ENDOG: variants seen among roughly 807,000 people sequenced by gnomAD.
ENDOG encodes endonuclease G, mitochondrial.
In ENDOG, 22 loss-of-function variants were observed where a neutral mutation model predicts 22.6. The observed-to-expected ratio is 0.97, with a 90% CI of 0.70 to 1.39. ENDOG has a LOEUF of 1.39. Among genes scored for constraint, ENDOG ranks in the 40% most tolerant of loss-of-function variants. ENDOG has a pLI of 0.00. For missense variants in ENDOG, 403 were observed against 431.3 expected, an observed-to-expected ratio of 0.93 and a Z score of 0.58; for synonymous variants, 173 against 200.2, an observed-to-expected ratio of 0.86 and a Z score of 1.15.
In ENDOG at chr9:128,822,448, C is replaced by G; in HGVS notation, c.732C>G (p.Leu244=). The change falls in exon 3 of 3, where the codon CTC becomes CTG. Residue 244 remains leucine (L), a synonymous_variant. Transcript: ENST00000372642. The part of the protein sequence containing the change: ...ILEAAGGQIE[L]RTYVMPNAPV... ...AGGCAGCAGGTGGGCAAATTGAGCT[C>G]CGCACCTACGTGATGCCCAACGCAC... The G allele has an allele frequency of 1.3e-6, 2 of 1,588,672 alleles. No individual in the cohort carries two copies. The highest frequency in any genetic ancestry group is 1.7e-6 in the Non-Finnish European group (2 of 1,167,298).
In ENDOG at chr9:128,818,997, C is replaced by CGCGGCG. The variant is rs769329221; in HGVS notation, c.314_319dup (p.Gly106_Asp107insGlyGly). The CGCGGCG allele has an allele frequency of 8.8e-6, 13 of 1,484,228 alleles. No individual in the cohort carries two copies. In the East Asian group the frequency reaches 3.6e-4, roughly 42 times the overall value. 91.9% of individuals were successfully genotyped at this position (1,484,228 alleles called of 1,614,324 possible). Reference sequence around the variant, plus strand: ...GGAGCAGCTGCGACCCGAGCGTCTCCGCGGCGACGGCGACCGGCGCGAGTG... The same window carrying CGCGGCG: ...GGAGCAGCTGCGACCCGAGCGTCTCCGCGGCGGCGGCGACGGCGACCGGCGCGAGTG... On this transcript the variant is annotated inframe_insertion, in exon 1 of 3. Coordinates refer to ENST00000372642, the MANE Select transcript of ENDOG (RefSeq NM_004435.2).
In ENDOG at chr9:128,820,681, C is replaced by T. The variant is rs1830092929; in HGVS notation, c.502-58C>T. On this transcript the variant is annotated intron_variant, in intron 1 of 2. Coordinates refer to ENST00000372642, the MANE Select transcript of ENDOG (RefSeq NM_004435.2). ...TCCCCTCAGGACCTGGGGCGGCCCT[C>T]TGATAGAGGAGGAAGGGTCCCAGCC... is the stretch of plus-strand genomic sequence containing the variant. 3.3e-6 allele frequency: 5 copies of T among 1,494,580 alleles called. No homozygotes were observed. In the South Asian group the frequency reaches 3.6e-5, roughly 11 times the overall value. 92.6% of individuals were successfully genotyped at this position (1,494,580 alleles called of 1,614,324 possible).
chr9:128,822,365 G>T lies in ENDOG; in HGVS notation c.649G>T (p.Val217Phe). ...TGGGAAATCCTACGTAAAGTACCAGGTCATCGGCAAGAACCACGTGGCAGT... is the reference window on the plus strand; with the variant it reads ...TGGGAAATCCTACGTAAAGTACCAGTTCATCGGCAAGAACCACGTGGCAGT... ...ADGKSYVKYQ[V>F]IGKNHVAVPT... Residue 217 changes from valine to phenylalanine, a missense_variant, in exon 3 of 3, where the codon GTC becomes TTC. Val to Phe is a conservative substitution (Grantham distance 50, BLOSUM62 -1). Coordinates refer to ENST00000372642, the MANE Select transcript of ENDOG (RefSeq NM_004435.2). The T allele has an allele frequency of 6.2e-7, 1 of 1,613,994 alleles. No homozygotes were observed.
Position 128,819,110 on chromosome 9 carries a change from G to GGCC in ENDOG, c.436_438dup (p.Ala146dup). ...GCAGTGGCTTCGACCGCGGTCACCT[G>GGCC]GCCGCCGCCGCCAACCACCGCTGGA... On this transcript the variant is annotated inframe_insertion, in exon 1 of 3. Transcript: ENST00000372642. 1.3e-6 allele frequency: 2 copies of GGCC among 1,519,692 alleles called. No individual in the cohort carries two copies. The highest frequency in any genetic ancestry group is 1.2e-5 in the South Asian group (1 of 82,476). The allele number at this position is 1,519,692 out of a possible 1,614,324, so 94.1% of individuals were successfully genotyped here.
In ENDOG at chr9:128,822,538, G is replaced by A. The variant is rs764092205; in HGVS notation, c.822G>A (p.Ser274=). ...LVPIESIERA[S]GLLFVPNILA... ...CCATCGAGAGCATTGAGCGGGCTTC[G>A]GGGCTGCTCTTTGTGCCAAACATCC... The change falls in exon 3 of 3, where the codon TCG becomes TCA. Residue 274 remains serine (S), a synonymous_variant. Coordinates refer to ENST00000372642, the MANE Select transcript of ENDOG (RefSeq NM_004435.2). The A allele has an allele frequency of 9.6e-6, 15 of 1,559,422 alleles. No individual in the cohort carries two copies. The highest frequency in any genetic ancestry group is 1.9e-5 in the Admixed American group (1 of 51,412).
chr9:128,819,206 C>G (rs1830056122), intron 1 of ENDOG, 21 bp downstream of exon 1: 6 of 1,447,344 alleles, frequency 4.1e-6, no homozygotes, highest in African/African-American at 1.5e-5. Context: ...CGCCCCGGGC[C>G]GGTCGCGGAA....
rs761924792 is a variant in ENDOG, at chr9:128,819,081, C to G, written c.397C>G (p.Arg133Gly). ...AYHRATNADY[R>G]GSGFDRGHLA... ...CCACCGTGCCACCAACGCCGACTAC[C>G]GCGGCAGTGGCTTCGACCGCGGTCA... The change falls in exon 1 of 3, where the codon CGC becomes GGC. Residue 133 changes from arginine to glycine, a missense_variant. Coordinates refer to ENST00000372642, the MANE Select transcript of ENDOG (RefSeq NM_004435.2). 2 of 1,518,148 alleles carry G rather than the reference C, an allele frequency of 1.3e-6. No homozygotes were observed. The highest frequency in any genetic ancestry group is 5.4e-5 in the East Asian group (2 of 37,104). The allele number at this position is 1,518,148 out of a possible 1,614,324, so 94.0% of individuals were successfully genotyped here.
chr9:128,819,013 G>C lies in ENDOG; in HGVS notation c.329G>C (p.Arg110Pro), dbSNP rs970057720. 12 of 1,484,992 alleles carry C rather than the reference G, an allele frequency of 8.1e-6. No individual in the cohort carries two copies. The highest frequency in any genetic ancestry group is 8.0e-6 in the Non-Finnish European group (9 of 1,125,696). 92.0% of individuals were successfully genotyped at this position (1,484,992 alleles called of 1,614,324 possible). Residue 110 changes from arginine to proline, a missense_variant, in exon 1 of 3, where the codon CGG becomes CCG. Arg to Pro is a moderately radical substitution (Grantham distance 103). Transcript: ENST00000372642. ...RPERLRGDGD[R>P]RECDFREDDS... ...GAGCGTCTCCGCGGCGACGGCGACC[G>C]GCGCGAGTGCGACTTCCGCGAGGAC...
chr9:128,819,611 C>T (rs1401606205), intron 1 of ENDOG: 2 of 180,716 alleles, frequency 1.1e-5, no homozygotes, highest in African/African-American at 4.7e-5. Flanking sequence ...TTTTCCACGG[C>T]TTGGTGGGTG....
intron 2 of ENDOG, chr9:128,822,074 C>T (rs1830130457): frequency 1.8e-6 from 1 of 555,020 alleles, no homozygotes; most frequent in Non-Finnish European, 3.2e-6. Flanking sequence ...GCTCGATTCT[C>T]CTAGCAGCGT....
rs754136134 is a variant in ENDOG, at chr9:128,819,180, C to A, written c.496C>A (p.Pro166Thr). The A allele has an allele frequency of 1.3e-6, 2 of 1,482,054 alleles. No homozygotes were observed. Among genetic ancestry groups the A allele is most frequent in the South Asian group, 1.3e-5 (1 of 77,234 alleles). 91.8% of individuals were successfully genotyped at this position (1,482,054 alleles called of 1,614,324 possible). ...CACGTTCTACCTGAGCAACGTCGCGCCCCAGGTAGCGCCCGCGCCCCGGGC... is the reference window on the plus strand; with the variant it reads ...CACGTTCTACCTGAGCAACGTCGCGACCCAGGTAGCGCCCGCGCCCCGGGC... ...DDTFYLSNVAPQVPHLNQNAW... is the reference protein window; with the variant it reads ...DDTFYLSNVATQVPHLNQNAW... The change falls in exon 1 of 3, where the codon CCC becomes ACC. Residue 166 changes from proline to threonine, a missense_variant. Pro to Thr is a conservative substitution (Grantham distance 38, BLOSUM62 -1). Transcript: ENST00000372642.
In ENDOG at chr9:128,822,393, CCA is replaced by C; in HGVS notation, c.683_684del (p.His228LeufsTer15). 6.2e-7 allele frequency: 1 copy of C among 1,613,104 alleles called. No individual in the cohort carries two copies. ...ATCGGCAAGAACCACGTGGCAGTGC[CCA>C]CACACTTCTTCAAGGTGCTGATCCT... is the stretch of plus-strand genomic sequence containing the variant. On this transcript the variant is annotated frameshift_variant, in exon 3 of 3. Coordinates refer to ENST00000372642, the MANE Select transcript of ENDOG (RefSeq NM_004435.2). LOFTEE classifies it high-confidence loss of function.
At chr9:128,821,285 C>G (rs1319695725) in intron 2 of ENDOG, 1 of 194,428 alleles carries the variant, frequency 5.1e-6, no homozygotes, top group African/African-American at 2.5e-5. Context: ...TCTGCAGGTC[C>G]GAGGTGCACC....
rs574906331 is a variant in ENDOG at position 128,821,213 on chromosome 9, G to A, written c.611+365G>A. ...CACCTTCCCCCCGCAGGTCTGCAGT[G>A]CACCAAGCTCTCCCGCCTTCCCCCT... On this transcript the variant is annotated intron_variant, in intron 2 of 2. Coordinates refer to ENST00000372642, the MANE Select transcript of ENDOG (RefSeq NM_004435.2). 4.7e-4 allele frequency: 133 copies of A among 280,960 alleles called. 2 individuals carry two copies. The allele number at this position is 280,960 out of a possible 1,614,324, so 17.4% of individuals were successfully genotyped here.
chr9:128,818,895 G>A lies in ENDOG; in HGVS notation c.211G>A (p.Gly71Arg). The A allele has an allele frequency of 8.2e-6, 12 of 1,466,860 alleles. No individual in the cohort carries two copies. Among genetic ancestry groups the A allele is most frequent in the Non-Finnish European group, 9.8e-6 (11 of 1,117,222 alleles). The allele number at this position is 1,466,860 out of a possible 1,614,324, so 90.9% of individuals were successfully genotyped here. The change falls in exon 1 of 3, where the codon GGG becomes AGG. Residue 71 changes from glycine to arginine, a missense_variant. By Grantham distance (125) the Gly-to-Arg change is moderately radical. Transcript: ENST00000372642. ...CGAGCTGGCCAAGTACGGGCTGCCG[G>A]GGCTGGCGCAGCTCAAGAGCCGCGA... ...PGELAKYGLP[G>R]LAQLKSRESY...
At chr9:128,819,228 C>A in intron 1 of ENDOG, 43 bp downstream of exon 1, 1 of 1,415,560 alleles carries the variant, frequency 7.1e-7, no homozygotes, top group South Asian at 1.5e-5. Flanking sequence ...GCGGGGCCGG[C>A]GCCTGGCCTC....
chr9:128,820,891 T>G lies in ENDOG; in HGVS notation c.611+43T>G, dbSNP rs2280845. On this transcript the variant is annotated intron_variant, in intron 2 of 2. Transcript: ENST00000372642. ...GGGGCGGCAGAACCTCCCACTCACC[T>G]GAGGCCCCTACTGCCACTCACAGGG... The G allele has an allele frequency of 3.8e-4, 592 of 1,538,744 alleles. 5 individuals are homozygous for G. The East Asian group carries it at 0.013, about 33-fold the overall frequency.
At chr9:128,819,844 A>T (rs1354996420) in intron 1 of ENDOG, 1 of 152,432 alleles carries the variant, frequency 6.6e-6, no homozygotes, top group Non-Finnish European at 1.5e-5. Flanking sequence ...ACCTCCTCAC[A>T]TGCGCAGTTC....
intron 2 of ENDOG, 137 bp downstream of exon 2, chr9:128,820,985 G>A: frequency 1.3e-6 from 1 of 757,736 alleles, no homozygotes; most frequent in Non-Finnish European, 2.2e-6. Context: ...AAGCCTGTCA[G>A]CTTCCCTGCC....
Sources: allele counts gnomAD v4.1 joint callset, GRCh38; gene constraint gnomAD v4.1.1; transcripts MANE v1.5; gene names NCBI Gene and HGNC (gene_info 2026-07-23, HGNC 2026-07-21).